IRAK1BP1: variants seen among roughly 807,000 people sequenced by gnomAD.
The protein encoded by IRAK1BP1 is interleukin 1 receptor associated kinase 1 binding protein 1, also known as interleukin-1 receptor-associated kinase 1-binding protein 1.
Under a neutral mutation model 28.0 loss-of-function variants are expected in IRAK1BP1, and 24 were observed. The ratio of observed to expected loss-of-function variants is 0.86; its 90% CI spans 0.62 to 1.20. IRAK1BP1 has a LOEUF of 1.20. Ranked by LOEUF, IRAK1BP1 falls within the 50% of genes most tolerant of loss-of-function variation. The pLI, the probability that IRAK1BP1 is intolerant of heterozygous loss-of-function variation, is 0.00. For missense variants in IRAK1BP1, 336 were observed against 316.7 expected, an observed-to-expected ratio of 1.06 and a Z score of -0.46; for synonymous variants, 131 against 116.3, an observed-to-expected ratio of 1.13 and a Z score of -0.81.
chr6:78,884,831 C>G (rs1771359860), intron 1 of IRAK1BP1, among the ~76,000 whole-genome samples: 2 of 152,026 alleles, frequency 1.3e-5, no homozygotes, highest in Non-Finnish European at 2.9e-5. Flanking sequence ...AACAATTGCT[C>G]ATAGATATCA....
chr6:78,918,054 T>C (rs1343167498), intron 4 of IRAK1BP1, among the ~76,000 whole-genome samples: 5 of 152,198 alleles, frequency 3.3e-5, no homozygotes, highest in Admixed American at 2.0e-4. Flanking sequence ...AACTTCATGA[T>C]AGGATCAAAA....
At chr6:78,904,357 G>T (rs1381949686), downstream of IRAK1BP1, among the ~76,000 whole-genome samples, 3 of 152,116 alleles carry the variant, frequency 2.0e-5, no homozygotes, top group African/African-American at 4.8e-5. Flanking sequence ...GCCACTGAGG[G>T]TGATTACCAC....
In IRAK1BP1 at chr6:78,898,125, C is replaced by G. The variant is rs773582361; in HGVS notation, c.574C>G (p.Leu192Val). ...AWRKAQEVCN[L>V]VGQTLGKPLL... Reference sequence around the variant, plus strand: ...GCGCAAAGCTCAAGAAGTCTGTAACCTTGTTGGCCAAACCTTAGGAAAACC... The same window carrying G: ...GCGCAAAGCTCAAGAAGTCTGTAACGTTGTTGGCCAAACCTTAGGAAAACC... Residue 192 changes from leucine to valine, a missense_variant, in exon 4 of 4, where the codon CTT (leucine) becomes GTT (valine). Transcript: ENST00000369940. The G allele has an allele frequency of 6.2e-7, 1 of 1,613,850 alleles. No homozygotes were observed. Among genetic ancestry groups the G allele is most frequent in the South Asian group, 1.1e-5 (1 of 91,052 alleles).
Position 78,902,662 on chromosome 6 carries a change from C to T in IRAK1BP1, c.*4328C>T, listed in dbSNP as rs116642397. ...GGCGTGTGACTGTAATCTCAGCTAC[C>T]GGGGAGGCTGAAGCAGAAGAAACGC... On this transcript the variant is annotated 3_prime_UTR_variant, in exon 4 of 4. Transcript: ENST00000369940. 5.0e-3 allele frequency: 1,021 copies of T among 205,224 alleles called. 19 individuals are homozygous for T. The highest frequency in any genetic ancestry group is 0.022 in the African/African-American group (955 of 43,598). 12.7% of individuals were successfully genotyped at this position (205,224 alleles called of 1,614,324 possible).
At position 78,902,676 on chromosome 6, in the gene IRAK1BP1, C is replaced by T; in HGVS notation, c.*4342C>T. ...ATCTCAGCTACCGGGGAGGCTGAAGCAGAAGAAACGCTCGAACCTGGGAGG... is the reference window on the plus strand; with the variant it reads ...ATCTCAGCTACCGGGGAGGCTGAAGTAGAAGAAACGCTCGAACCTGGGAGG... On this transcript the variant is annotated 3_prime_UTR_variant, in exon 4 of 4. Coordinates refer to ENST00000369940, the MANE Select transcript of IRAK1BP1 (RefSeq NM_001010844.4). The T allele has an allele frequency of 4.4e-6, 1 of 229,200 alleles. No homozygotes were observed. Among genetic ancestry groups the T allele is most frequent in the East Asian group, 9.0e-5 (1 of 11,062 alleles). 14.2% of individuals were successfully genotyped at this position (229,200 alleles called of 1,614,324 possible).
At chr6:78,959,798 T>C in the IRAK1BP1 span, among the ~76,000 whole-genome samples, 1 of 152,170 alleles carries the variant, frequency 6.6e-6, no homozygotes, top group Admixed American at 6.6e-5. Flanking sequence ...GAAATACAGA[T>C]GTTCCTCAAC....
the IRAK1BP1 span, chr6:78,966,108 A>C: frequency 8.9e-7 from 1 of 1,121,952 alleles, no homozygotes; most frequent in East Asian, 2.3e-5. Context: ...GGCTGCTGTC[A>C]CTGCTTTTTC....
intron 4 of IRAK1BP1, among the ~76,000 whole-genome samples, chr6:78,927,341 G>A (rs575432409): frequency 1.2e-3 from 187 of 152,178 alleles, no homozygotes; most frequent in African/African-American, 4.3e-3. Flanking sequence ...CCATTTGTAT[G>A]TCTTCTGAGA....
chr6:78,935,406 C>T (rs1773237474), intron 4 of IRAK1BP1: 1 of 718,960 alleles, frequency 1.4e-6, no homozygotes, highest in Non-Finnish European at 1.7e-6. Context: ...GCCAATCTGA[C>T]AAAATTTCTA....
At chr6:78,927,429 G>A (rs560132517) in intron 4 of IRAK1BP1, among the ~76,000 whole-genome samples, 4 of 152,034 alleles carry the variant, frequency 2.6e-5, no homozygotes, top group African/African-American at 9.6e-5. Flanking sequence ...TGAGCTCCTG[G>A]TTATTAATCC....
At chr6:78,966,129 C>T in the IRAK1BP1 span, 1 of 877,506 alleles carries the variant, frequency 1.1e-6, no homozygotes, top group Non-Finnish European at 1.9e-6. Context: ...CTAACGTTAA[C>T]CTTTAAGTAC....
chr6:78,933,664 C>T (rs1773146322), intron 4 of IRAK1BP1, among the ~76,000 whole-genome samples: 1 of 147,228 alleles, frequency 6.8e-6, no homozygotes, highest in South Asian at 2.1e-4. Context: ...CTGCTAGCTT[C>T]CAACTTTTTT....
intron 4 of IRAK1BP1, chr6:78,935,445 A>G (rs1217312370): frequency 8.6e-6 from 8 of 933,150 alleles, no homozygotes; most frequent in Non-Finnish European, 1.0e-5. Flanking sequence ...TCTTTCCATC[A>G]TTCCTTTTTT....
intron 4 of IRAK1BP1, chr6:78,940,540 G>A (rs1200014105): frequency 7.6e-5 from 9 of 118,534 alleles, no homozygotes; most frequent in South Asian, 2.8e-4. Context: ...GAAGTGTCTC[G>A]TAAGTTTGTT....
chr6:78,909,208 A>G (rs1772340548), intron 4 of IRAK1BP1, among the ~76,000 whole-genome samples: 1 of 152,226 alleles, frequency 6.6e-6, no homozygotes. Flanking sequence ...CACATTCAGT[A>G]TATACCTCCA....
At chr6:78,946,243 C>T (rs750568166) in exon 5 of IRAK1BP1, 8 of 1,612,660 alleles carry the variant, frequency 5.0e-6, no homozygotes, top group African/African-American at 1.3e-5. Context: ...TTTTAAGATC[C>T]TTTTTTTCCT....
At chr6:78,941,858 A>C (rs978328945) in intron 4 of IRAK1BP1, among the ~76,000 whole-genome samples, 6 of 152,206 alleles carry the variant, frequency 3.9e-5, no homozygotes, top group Non-Finnish European at 8.8e-5. Flanking sequence ...CCACTGTAAC[A>C]AACTCCATGA....
chr6:78,964,221 G>C, the IRAK1BP1 span, among the ~76,000 whole-genome samples: 8 of 151,738 alleles, frequency 5.3e-5, no homozygotes, highest in Non-Finnish European at 8.8e-5. Flanking sequence ...TTAGCAGTGA[G>C]ATAAAAAAAA....
the IRAK1BP1 span, among the ~76,000 whole-genome samples, chr6:78,977,149 G>A: frequency 6.7e-6 from 1 of 148,588 alleles, no homozygotes; most frequent in Non-Finnish European, 1.5e-5. Context: ...ATGATAGACT[G>A]GATTAAGAAA....
Sources: gnomAD v4.1 joint callset for allele counts (sites outside exome capture counted in the v4.1 genomes callset) on GRCh38, gnomAD v4.1.1 for gene constraint, MANE v1.5 for transcripts, NCBI Gene and HGNC (gene_info 2026-07-23, HGNC 2026-07-21) for gene names.